Variants in DST observed in about 807,000 individuals in gnomAD.
DST encodes the protein bullous pemphigoid antigen.
In DST, 253 loss-of-function variants were observed where a neutral mutation model predicts 875.2. The ratio of observed to expected loss-of-function variants is 0.29; its 90% CI spans 0.26 to 0.32. The LOEUF is 0.32. DST is among the 10% of genes least tolerant of loss of function. The probability of loss-of-function intolerance (pLI) is 1.00; values close to 1 mark genes in which losing one functional copy is unlikely to be tolerated. For missense variants in DST, 8,287 were observed against 9,111.6 expected, an observed-to-expected ratio of 0.91 and a Z score of 3.68; for synonymous variants, 3,124 against 3,197.1, an observed-to-expected ratio of 0.98 and a Z score of 0.77.
chr6:56,691,490 C>T (rs1411898628), intron 9 of DST, among the ~76,000 whole-genome samples: 3 of 152,074 alleles, frequency 2.0e-5, no homozygotes, highest in African/African-American at 7.2e-5. Context: ...GATACAATGA[C>T]CTTGCCAAGA....
At chr6:56,882,160 T>C (rs1782535303) in intron 3 of DST, among the ~76,000 whole-genome samples, 1 of 152,176 alleles carries the variant, frequency 6.6e-6, no homozygotes, top group South Asian at 2.1e-4. Context: ...TCAAGAGAAA[T>C]GGTTGTCCTG....
At chr6:56,505,226 G>C (rs981419841) in intron 77 of DST, among the ~76,000 whole-genome samples, 1 of 152,118 alleles carries the variant, frequency 6.6e-6, no homozygotes, top group African/African-American at 2.4e-5. Flanking sequence ...TGCTAGCACA[G>C]GTGATGCTAC....
rs747516436 is a variant in DST at position 56,605,960 on chromosome 6, T to C, written c.8668A>G (p.Thr2890Ala). The change falls in exon 40 of 104, where the codon ACT (threonine) becomes GCT (alanine). Residue 2890 changes from threonine to alanine, a missense_variant. By Grantham distance (58) the Thr-to-Ala change is moderately conservative (BLOSUM62 0). Around this residue, in one of 10 missense-constraint regions of DST, gnomAD observed 3,138 missense variants for 3,116.6 expected, o/e 1.01. Coordinates refer to ENST00000680361, the MANE Select transcript of DST (RefSeq NM_001374736.1). ...LASPSENNLVTEKSNLPEYTT... is the reference protein window; with the variant it reads ...LASPSENNLVAEKSNLPEYTT... ...TATTCTGGAAGGTTGCTTTTTTCAG[T>C]AACTAAGTTATTTTCACTAGGTGAT... 9.3e-6 allele frequency: 15 copies of C among 1,612,730 alleles called. No individual in the cohort carries two copies. Among genetic ancestry groups the C allele is most frequent in the South Asian group, 3.3e-5 (3 of 91,056 alleles).
At position 56,463,628 on chromosome 6, in the gene DST, A is replaced by G. The variant is rs200781365; in HGVS notation, c.22896T>C (p.Thr7632=). 2.6e-3 allele frequency: 4,197 copies of G among 1,613,528 alleles called. 70 individuals carry two copies. In the South Asian group the frequency reaches 0.027, roughly 10 times the overall value. Reference sequence around the variant, plus strand: ...CCTGCGCAGCCTGACTGGACACAGAAGTGGATCTGTTGGGTGAAGCGCCTC... The same window carrying G: ...CCTGCGCAGCCTGACTGGACACAGAGGTGGATCTGTTGGGTGAAGCGCCTC... ...SSRGASPNRS[T]SVSSQAAQAA... Residue 7632 remains threonine (T), a synonymous_variant, in exon 101 of 104, where the codon ACT becomes ACC. Coordinates refer to ENST00000680361, the MANE Select transcript of DST (RefSeq NM_001374736.1).
intron 4 of DST, among the ~76,000 whole-genome samples, chr6:56,837,140 C>T (rs1214024508): frequency 6.6e-6 from 1 of 152,140 alleles, no homozygotes; most frequent in East Asian, 1.9e-4. Flanking sequence ...GGGCACACTA[C>T]TTGCTGTATT....
intron 64 of DST, among the ~76,000 whole-genome samples, chr6:56,530,457 G>C (rs1334008432): frequency 6.6e-6 from 1 of 152,114 alleles, no homozygotes; most frequent in African/African-American, 2.4e-5. Flanking sequence ...ACGACAACAG[G>C]TAAAATTTAT....
At chr6:56,916,987 TAAAA>T (rs1161421788) in intron 2 of DST, among the ~76,000 whole-genome samples, 2 of 35,536 alleles carry the variant, frequency 5.6e-5, no homozygotes, top group African/African-American at 1.1e-4. Flanking sequence ...CCAGGCATGC[TAAAA>T]AAAAAAAAAA....
chr6:56,792,174 T>A (rs1487120623), intron 4 of DST, among the ~76,000 whole-genome samples: 1 of 151,980 alleles, frequency 6.6e-6, no homozygotes, highest in Non-Finnish European at 1.5e-5. Context: ...TTTTTTGTTT[T>A]TTTTTTCTAA....
intron 4 of DST, among the ~76,000 whole-genome samples, chr6:56,802,030 G>T (rs1379321874): frequency 6.6e-6 from 1 of 152,068 alleles, no homozygotes; most frequent in African/African-American, 2.4e-5. Context: ...GATTACAGGC[G>T]TGAGCCACCA....
At chr6:56,890,525 G>A (rs1429871147) in intron 3 of DST, among the ~76,000 whole-genome samples, 1 of 152,094 alleles carries the variant, frequency 6.6e-6, no homozygotes, top group Non-Finnish European at 1.5e-5. Context: ...AGGAAATCAG[G>A]ATAAATTTTT....
chr6:56,635,800 G>A (rs896565825), intron 23 of DST, 86 bp from the exon 24 acceptor site: 12 of 1,384,180 alleles, frequency 8.7e-6, no homozygotes, highest in Non-Finnish European at 1.2e-5. Context: ...AAGGTCCTAT[G>A]TGTACCCCTC....
At chr6:56,692,329 T>C in intron 9 of DST, 4 of 886,914 alleles carry the variant, frequency 4.5e-6, no homozygotes, top group Non-Finnish European at 6.0e-6. Context: ...TAGATGTCAG[T>C]CTGATGTGAG....
At chr6:56,877,097 A>C (rs996274320) in intron 3 of DST, among the ~76,000 whole-genome samples, 4 of 152,220 alleles carry the variant, frequency 2.6e-5, no homozygotes, top group African/African-American at 9.7e-5. Context: ...CATTTGGCCT[A>C]AAAGGCTCTT....
At chr6:56,679,221 C>G (rs2099145284) in intron 9 of DST, among the ~76,000 whole-genome samples, 1 of 152,116 alleles carries the variant, frequency 6.6e-6, no homozygotes, top group Non-Finnish European at 1.5e-5. Context: ...GTAAGTCCTT[C>G]ACATCTTTGT....
Position 56,954,435 on chromosome 6 carries a change from C to T in DST, c.153G>A (p.Ser51=). ...GGCTTCTTGAACGACCCGAGAAGAC[C>T]GATTTCATCGGATGCCTCCCTTTCT... ...KLQKGRHPMK[S]VFSGRSRSRD... Residue 51 remains serine, a synonymous_variant, in exon 1 of 104, where the codon TCG becomes TCA. Transcript: ENST00000680361. 2 of 1,367,454 alleles carry T rather than the reference C, an allele frequency of 1.5e-6. No homozygotes were observed. Among genetic ancestry groups the T allele is most frequent in the South Asian group, 1.1e-5 (1 of 87,974 alleles). The allele number at this position is 1,367,454 out of a possible 1,614,324, so 84.7% of individuals were successfully genotyped here. A position where few individuals can be genotyped will look rare whatever the true frequency, so the allele number is the denominator to read the frequency against.
intron 4 of DST, among the ~76,000 whole-genome samples, chr6:56,794,247 G>T (rs1174724680): frequency 6.6e-6 from 1 of 152,174 alleles, no homozygotes; most frequent in African/African-American, 2.4e-5. Context: ...ATGACAATCT[G>T]AAGCCTTTTA....
At chr6:56,659,640 A>T (rs1363323032) in intron 10 of DST, among the ~76,000 whole-genome samples, 1 of 152,192 alleles carries the variant, frequency 6.6e-6, no homozygotes, top group African/African-American at 2.4e-5. Flanking sequence ...GTATGAAGTG[A>T]AGAAATGATG....
At chr6:56,510,093 T>C (rs1264238286) in intron 73 of DST, among the ~76,000 whole-genome samples, 2 of 152,164 alleles carry the variant, frequency 1.3e-5, no homozygotes, top group African/African-American at 4.8e-5. Context: ...CTATGTACAA[T>C]AGACTTAGTT....
intron 87 of DST, among the ~76,000 whole-genome samples, chr6:56,486,742 G>A (rs2095582464): frequency 6.6e-6 from 1 of 152,046 alleles, no homozygotes; most frequent in South Asian, 2.1e-4. Flanking sequence ...GTGTGAAGGA[G>A]GGGAATGACA....
Sources: gnomAD v4.1 joint callset for allele counts (sites outside exome capture counted in the v4.1 genomes callset) on GRCh38, gnomAD v4.1.1 for gene constraint, gnomAD v4.1.1 regional missense constraint, MANE v1.5 for transcripts, NCBI Gene and HGNC (gene_info 2026-07-23, HGNC 2026-07-21) for gene names.